MBNL2: variants seen among roughly 807,000 people sequenced by gnomAD.
MBNL2 encodes the protein muscleblind like splicing regulator 2, also known as muscleblind-like protein 2.
A neutral mutation model predicts 41.9 loss-of-function variants in MBNL2; 17 were observed. The ratio of observed to expected loss-of-function variants is 0.41; its 90% confidence interval spans 0.28 to 0.61. The LOEUF (loss-of-function observed/expected upper bound fraction) is 0.61, where lower values mean the gene tolerates loss of function less well. MBNL2 is among the 20% of genes least tolerant of loss of function. MBNL2 has a pLI of 0.35. For synonymous variants in MBNL2, 195 were observed against 182.9 expected (o/e 1.07, Z -0.53); for missense variants, 336 against 505.6 (o/e 0.66, Z 3.22).
At chr13:97,190,927 G>T in the MBNL2 span, among the ~76,000 whole-genome samples, 3 of 151,972 alleles carry the variant, frequency 2.0e-5, no homozygotes, top group Non-Finnish European at 4.4e-5. Context: ...AATAGCTCTG[G>T]TTGCTTTTAT....
At chr13:97,181,764 T>G in the MBNL2 span, among the ~76,000 whole-genome samples, 2 of 152,188 alleles carry the variant, frequency 1.3e-5, no homozygotes, top group Non-Finnish European at 2.9e-5. Context: ...ACTCACATCT[T>G]GACTGACATT....
intron 2 of MBNL2, among the ~76,000 whole-genome samples, chr13:97,317,287 G>A (rs944389910): frequency 6.6e-6 from 1 of 152,122 alleles, no homozygotes; most frequent in African/African-American, 2.4e-5. Flanking sequence ...AGGCAACCAG[G>A]TAAAACTGGG....
chr13:97,195,397 C>T, the MBNL2 span, among the ~76,000 whole-genome samples: 90 of 152,278 alleles, frequency 5.9e-4, 1 homozygote, highest in Non-Finnish European at 5.4e-4. Context: ...CTCCTGTAGA[C>T]TGTGTGTGCC....
At chr13:97,175,959 C>T in the MBNL2 span, among the ~76,000 whole-genome samples, 1 of 152,202 alleles carries the variant, frequency 6.6e-6, no homozygotes, top group South Asian at 2.1e-4. Context: ...GATGGATGCC[C>T]CCCAGGATTT....
chr13:97,366,651 T>C lies in MBNL2; in HGVS notation c.1048+1480T>C, dbSNP rs749087356. 1 of 792,002 alleles carries C rather than the reference T, an allele frequency of 1.3e-6. No individual in the cohort carries two copies. Among genetic ancestry groups the C allele is most frequent in the Admixed American group, 1.9e-5 (1 of 51,292 alleles). 49.1% of individuals were successfully genotyped at this position (792,002 alleles called of 1,614,324 possible). Reference sequence around the variant, plus strand: ...CTCGGTGAGAATTTTTTTTTCATGTTTATCCATCAAATTTTATTTTTTTAA... The same window carrying C: ...CTCGGTGAGAATTTTTTTTTCATGTCTATCCATCAAATTTTATTTTTTTAA... On this transcript the variant is annotated intron_variant, in intron 8 of 8. Transcript: ENST00000679496. The surrounding 1 kb of genome is among the most constrained non-coding windows in gnomAD (Gnocchi z 4.7).
Position 97,365,191 on chromosome 13 carries a change from A to T in MBNL2, c.1048+20A>T. On this transcript the variant is annotated intron_variant, in intron 8 of 8. Coordinates refer to ENST00000679496, the MANE Select transcript of MBNL2 (RefSeq NM_001382683.1). ...GTATTGGTAGGTTTCAACCTTTTTT[A>T]TTTGTCTTTTATATGATGTACAATA... The T allele has an allele frequency of 6.4e-7, 1 of 1,556,408 alleles. No homozygotes were observed. Among genetic ancestry groups the T allele is most frequent in the Non-Finnish European group, 8.9e-7 (1 of 1,127,672 alleles).
chr13:97,248,943 T>A (rs1418332530), intron 1 of MBNL2, among the ~76,000 whole-genome samples: 2 of 152,222 alleles, frequency 1.3e-5, no homozygotes, highest in Non-Finnish European at 2.9e-5. Flanking sequence ...TGCAAGCCAT[T>A]GTCACTCCAT....
chr13:97,391,279 C>T, intron 8 of MBNL2, 43 bp from the exon 9 acceptor site: 1 of 874,568 alleles, frequency 1.1e-6, no homozygotes. Flanking sequence ...TATTTTTCCT[C>T]CCAGAAGGAT....
At chr13:97,219,810 C>T (rs2040705262), upstream of MBNL2, among the ~76,000 whole-genome samples, 1 of 152,082 alleles carries the variant, frequency 6.6e-6, no homozygotes, top group Admixed American at 6.5e-5. Context: ...TTTTTTAATT[C>T]CTGTTCTGAC....
the MBNL2 span, among the ~76,000 whole-genome samples, chr13:97,216,427 T>A: frequency 6.6e-6 from 1 of 152,122 alleles, no homozygotes; most frequent in Non-Finnish European, 1.5e-5. Flanking sequence ...TAGCAGTACA[T>A]ACTAAAGGAC....
the MBNL2 span, among the ~76,000 whole-genome samples, chr13:97,206,786 T>G: frequency 3.3e-5 from 5 of 152,142 alleles, no homozygotes; most frequent in Non-Finnish European, 7.4e-5. Context: ...ATTGTAGTAA[T>G]AATGATAATA....
chr13:97,315,703 C>A lies in MBNL2; in HGVS notation c.175-18573C>A, dbSNP rs34024624. Among the ~76,000 whole-genome samples the A allele has an allele frequency of 2.7e-3, 417 of 152,276 alleles. 3 individuals are homozygous for A. Among genetic ancestry groups the A allele is most frequent in the African/African-American group, 9.6e-3 (397 of 41,530 alleles). On this transcript the variant is annotated intron_variant, in intron 2 of 8. Transcript: ENST00000679496. ...GAAGGCATAAGTCTTTGGATTTTCCCAACTCCAACTGACCTCAGCATGAAA... is the reference window on the plus strand; with the variant it reads ...GAAGGCATAAGTCTTTGGATTTTCCAAACTCCAACTGACCTCAGCATGAAA...
At chr13:97,187,031 A>G in the MBNL2 span, among the ~76,000 whole-genome samples, 1 of 152,188 alleles carries the variant, frequency 6.6e-6, no homozygotes, top group Non-Finnish European at 1.5e-5. Flanking sequence ...TGAGAATTCC[A>G]TCTTCAAAGA....
At chr13:97,368,982 G>A (rs568709884) in intron 8 of MBNL2, among the ~76,000 whole-genome samples, 34 of 149,836 alleles carry the variant, frequency 2.3e-4, no homozygotes, top group African/African-American at 8.2e-4. Flanking sequence ...AATAGTTGCT[G>A]CTGGATTGCA....
At chr13:97,335,148 C>T (rs2060770397) in intron 3 of MBNL2, among the ~76,000 whole-genome samples, 1 of 152,084 alleles carries the variant, frequency 6.6e-6, no homozygotes, top group African/African-American at 2.4e-5. Flanking sequence ...GATTTTTTTC[C>T]CTGATTTCAC....
At chr13:97,211,448 G>GA in the MBNL2 span, among the ~76,000 whole-genome samples, 2 of 152,190 alleles carry the variant, frequency 1.3e-5, no homozygotes, top group African/African-American at 4.8e-5. Flanking sequence ...TTTTGCTGTG[G>GA]AAAAGGGACC....
chr13:97,219,319 C>T (rs2040667302), upstream of MBNL2, among the ~76,000 whole-genome samples: 1 of 152,200 alleles, frequency 6.6e-6, no homozygotes, highest in African/African-American at 2.4e-5. Context: ...GAGAAGCAGG[C>T]AGGGGCTACA....
chr13:97,233,243 A>C lies in MBNL2; in HGVS notation c.-605+10712A>C, dbSNP rs2042709582. On this transcript the variant is annotated intron_variant, in intron 1 of 8. Transcript: ENST00000679496. Reference sequence around the variant, plus strand: ...ATGCAGGTTTGTTACATATGTATACATGCGCCATGTTGGTGTGCTGCACCT... The same window carrying C: ...ATGCAGGTTTGTTACATATGTATACCTGCGCCATGTTGGTGTGCTGCACCT... Among the ~76,000 whole-genome samples, 3 of 141,428 alleles carry C rather than the reference A, an allele frequency of 2.1e-5. No individual in the cohort carries two copies. The Admixed American group carries it at 2.1e-4, about 10-fold the overall frequency. The allele number at this position is 141,428 out of a possible 152,430, so 92.8% of individuals were successfully genotyped here. A position where few individuals can be genotyped will look rare whatever the true frequency, so the allele number is the denominator to read the frequency against.
At chr13:97,317,824 T>C (rs2059184780) in intron 2 of MBNL2, among the ~76,000 whole-genome samples, 2 of 152,276 alleles carry the variant, frequency 1.3e-5, no homozygotes, top group African/African-American at 2.4e-5. Context: ...TATGAAACAT[T>C]ACATAGATCC....
Sources: allele counts gnomAD v4.1 joint callset (sites outside exome capture counted in the v4.1 genomes callset), GRCh38; gene constraint gnomAD v4.1.1; non-coding constraint Gnocchi (gnomAD v3.1); transcripts MANE v1.5; gene names NCBI Gene and HGNC (gene_info 2026-07-23, HGNC 2026-07-21).